Variants in AFDN observed in about 807,000 individuals in gnomAD.
The protein encoded by AFDN is afadin, adherens junction formation factor, also known as afadin.
In AFDN, 68 loss-of-function variants were observed where a neutral mutation model predicts 216.6. The observed-to-expected ratio is 0.31, with a 90% CI of 0.26 to 0.38. AFDN has a LOEUF of 0.38. AFDN is among the 10% of genes least tolerant of loss of function. The pLI is 1.00. For missense variants in AFDN, 2,136 were observed against 2,342.0 expected, an observed-to-expected ratio of 0.91 and a Z score of 1.82; for synonymous variants, 868 against 853.7, an observed-to-expected ratio of 1.02 and a Z score of -0.29.
At chr6:167,826,823 G>GGGGCGGCGGCGCGCACGGC (rs1337141608), upstream of AFDN, 146 of 140,532 alleles carry the variant, frequency 1.0e-3, no homozygotes, top group East Asian at 7.4e-3. Context: ...GGCGCCGCGC[G>GGGGCGGCGGCGCGCACGGC]GGGCGGCGGC....
chr6:167,963,885 A>T (rs1440185293), intron 31 of AFDN: 1 of 1,064,584 alleles, frequency 9.4e-7, no homozygotes, highest in Non-Finnish European at 1.1e-6. Flanking sequence ...GTTCCATGAA[A>T]GCGCTCCCTG....
At chr6:167,922,313 G>A (rs1341122902) in intron 21 of AFDN, among the ~76,000 whole-genome samples, 1 of 152,208 alleles carries the variant, frequency 6.6e-6, no homozygotes, top group Non-Finnish European at 1.5e-5. Flanking sequence ...TTATTTGTAA[G>A]AAATTTAAAT....
intron 8 of AFDN, among the ~76,000 whole-genome samples, chr6:167,892,231 G>A (rs908113860): frequency 6.6e-6 from 1 of 151,928 alleles, no homozygotes; most frequent in African/African-American, 2.4e-5. Context: ...GGAATATATT[G>A]GTGTTGCTAA....
intron 12 of AFDN, among the ~76,000 whole-genome samples, chr6:167,906,748 G>A (rs1346400484): frequency 6.6e-6 from 1 of 152,142 alleles, no homozygotes; most frequent in Non-Finnish European, 1.5e-5. Context: ...ATAAGGAGTA[G>A]GATTTCTAAA....
chr6:167,836,713 T>C (rs186388969), intron 1 of AFDN, among the ~76,000 whole-genome samples: 1 of 152,352 alleles, frequency 6.6e-6, no homozygotes, highest in East Asian at 1.9e-4. Flanking sequence ...ACCAATTTAA[T>C]TGTTATAGAT....
In AFDN at chr6:167,951,813, G is replaced by C; in HGVS notation, c.4459G>C (p.Glu1487Gln). ...GCGGCCACAGGAAACAGTCATTCGG[G>C]AGCTGCAGCCTCAGCAGCAGCCCCG... Reference protein sequence around the residue: ...LQRPQETVIRELQPQQQPRTI... With the variant: ...LQRPQETVIRQLQPQQQPRTI... The change falls in exon 30 of 34, where the codon GAG becomes CAG. Residue 1487 changes from glutamate to glutamine, a missense_variant. Around this residue, in one of 8 missense-constraint regions of AFDN, gnomAD observed 981 missense variants for 966.0 expected, o/e 1.02. Coordinates refer to ENST00000683244, the MANE Select transcript of AFDN (RefSeq NM_001386888.1). The surrounding 1 kb of genome is among the most constrained non-coding windows in gnomAD (Gnocchi z 7.1). The C allele has an allele frequency of 6.2e-7, 1 of 1,614,108 alleles. No individual in the cohort carries two copies. The highest frequency in any genetic ancestry group is 2.2e-5 in the East Asian group (1 of 44,858).
At chr6:167,968,409 TTTTGTA>T (rs879751004) in intron 32 of AFDN, 1 of 152,486 alleles carries the variant, frequency 6.6e-6, no homozygotes, top group Non-Finnish European at 1.5e-5. Flanking sequence ...CAGCAGGTCC[TTTTGTA>T]GAAGAGGAGA....
chr6:167,947,012 C>A, intron 27 of AFDN, 111 bp downstream of exon 27: 1 of 936,680 alleles, frequency 1.1e-6, no homozygotes, highest in South Asian at 1.6e-5. Flanking sequence ...CAAACATTGG[C>A]TAACTAGGAT....
intron 1 of AFDN, among the ~76,000 whole-genome samples, chr6:167,860,820 A>G (rs941601018): frequency 1.3e-5 from 2 of 152,230 alleles, no homozygotes; most frequent in South Asian, 2.1e-4. Context: ...CTTGTATTTG[A>G]ATGCCAGGCC....
chr6:167,956,114 CAAAAAAAAAAAAAAA>C (rs59521151), intron 30 of AFDN, among the ~76,000 whole-genome samples: 12 of 41,300 alleles, frequency 2.9e-4, no homozygotes, highest in African/African-American at 1.1e-3. Context: ...GACTTTGGCT[CAAAAAAAAAAAAAAA>C]AAAAAAAAAA....
chr6:167,963,008 C>T, intron 31 of AFDN: 1 of 1,084,650 alleles, frequency 9.2e-7, no homozygotes, highest in Non-Finnish European at 1.1e-6. Context: ...AGATGGTTTA[C>T]TCAAATCACT....
chr6:167,970,280 C>A lies in AFDN; in HGVS notation c.*345C>A, dbSNP rs1281665007. The A allele has an allele frequency of 7.1e-6, 2 of 280,608 alleles. No individual in the cohort carries two copies. The highest frequency in any genetic ancestry group is 6.0e-5 in the East Asian group (1 of 16,656). The allele number at this position is 280,608 out of a possible 1,614,324, so 17.4% of individuals were successfully genotyped here. On this transcript the variant is annotated 3_prime_UTR_variant, in exon 34 of 34. Coordinates refer to ENST00000683244, the MANE Select transcript of AFDN (RefSeq NM_001386888.1). ...TGGATGTGTCTTCTCTCCCATCTTC[C>A]CCTCATCATCGACCGAGGAGCACAA...
At chr6:167,897,115 A>G in intron 10 of AFDN, 143 bp downstream of exon 10, 2 of 449,442 alleles carry the variant, frequency 4.4e-6, no homozygotes, top group Non-Finnish European at 7.8e-6. Flanking sequence ...ACTCTGGGTC[A>G]CTTTTCTCTG....
intron 1 of AFDN, among the ~76,000 whole-genome samples, chr6:167,860,729 G>A (rs1425042808): frequency 3.9e-5 from 6 of 152,218 alleles, no homozygotes; most frequent in Non-Finnish European, 1.5e-5. Context: ...ACAGACAGAT[G>A]TCTAGACGTG....
At chr6:167,923,045 G>A (rs1792029193) in intron 22 of AFDN, 86 bp downstream of exon 22, 1 of 886,494 alleles carries the variant, frequency 1.1e-6, no homozygotes. Flanking sequence ...TTACACTGAA[G>A]ATTGGTGTGA....
At chr6:167,849,205 A>G (rs1782025409) in intron 1 of AFDN, among the ~76,000 whole-genome samples, 1 of 152,196 alleles carries the variant, frequency 6.6e-6, no homozygotes, top group Non-Finnish European at 1.5e-5. Context: ...AGCATAAGGC[A>G]GGCATTTATA....
At position 167,951,911 on chromosome 6, in the gene AFDN, C is replaced by T. The variant is rs1796031103; in HGVS notation, c.4557C>T (p.Ser1519=). 6.2e-7 allele frequency: 1 copy of T among 1,614,040 alleles called. No homozygotes were observed. Among genetic ancestry groups the T allele is most frequent in the East Asian group, 2.2e-5 (1 of 44,844 alleles). The stretch of plus-strand genomic sequence containing the variant: ...AGCTTTCCTCGGGGGACAGTCTGTC[C>T]CCCGACCCGTGGAAGCGGGACGCCA... ...KEELSSGDSL[S]PDPWKRDAKE... is the part of the protein sequence containing the mutation. The change falls in exon 30 of 34, where the codon TCC becomes TCT. Residue 1519 remains serine (S), a synonymous_variant. Coordinates refer to ENST00000683244, the MANE Select transcript of AFDN (RefSeq NM_001386888.1). The surrounding 1 kb of genome is among the most constrained non-coding windows in gnomAD (Gnocchi z 7.1).
intron 1 of AFDN, among the ~76,000 whole-genome samples, chr6:167,853,494 A>T (rs1280153361): frequency 6.6e-6 from 1 of 152,056 alleles, no homozygotes; most frequent in Non-Finnish European, 1.5e-5. Flanking sequence ...GACCAACTTG[A>T]TAGAGAGTTA....
At chr6:167,931,840 A>G (rs753232934) in intron 23 of AFDN, among the ~76,000 whole-genome samples, 16 of 152,202 alleles carry the variant, frequency 1.1e-4, no homozygotes, top group Non-Finnish European at 2.1e-4. Context: ...TGGCAGCATC[A>G]CATAGGATTC....
Sources: gnomAD v4.1 joint callset for allele counts (sites outside exome capture counted in the v4.1 genomes callset) on GRCh38, gnomAD v4.1.1 for gene constraint, gnomAD v4.1.1 regional missense constraint, Gnocchi (gnomAD v3.1) non-coding constraint, MANE v1.5 for transcripts, NCBI Gene and HGNC (gene_info 2026-07-23, HGNC 2026-07-21) for gene names.